The following PTHLH variants were observed in gnomAD, a reference collection of about 807,000 sequenced individuals.
The protein encoded by PTHLH is parathyroid hormone like hormone.
A neutral mutation model predicts 18.6 loss-of-function variants in PTHLH; 5 were observed. The observed-to-expected ratio is 0.27, with a 90% confidence interval of 0.14 to 0.56. PTHLH has a LOEUF of 0.56. PTHLH is among the 20% of genes least tolerant of loss of function. The pLI is 0.92. For synonymous variants in PTHLH, 90 were observed against 94.0 expected (o/e 0.96, Z 0.25); for missense variants, 207 against 223.9 (o/e 0.92, Z 0.48).
At chr12:27,969,585 C>T in intron 3 of PTHLH, 69 bp from the exon 4 acceptor site, 5 of 1,273,944 alleles carry the variant, frequency 3.9e-6, no homozygotes, top group Non-Finnish European at 5.6e-6. Context: ...ACTCCGCTCC[C>T]CCTTTTTAGC....
At chr12:27,962,948 AC>A in intron 5 of PTHLH, 2 of 1,115,974 alleles carry the variant, frequency 1.8e-6, no homozygotes, top group Non-Finnish European at 2.2e-6. Context: ...AAGTGAAAGA[AC>A]GTAAGAAATG....
At chr12:27,971,024 C>G (rs2062867785) in intron 2 of PTHLH, among the ~76,000 whole-genome samples, 1 of 152,106 alleles carries the variant, frequency 6.6e-6, no homozygotes. Context: ...AAAACCCGCG[C>G]ACAGGAGAGA....
At chr12:27,971,819 T>A (rs1307794070) in intron 2 of PTHLH, 108 bp downstream of exon 2, 2 of 151,874 alleles carry the variant, frequency 1.3e-5, no homozygotes, top group African/African-American at 4.8e-5. Context: ...ACACACACTC[T>A]CTCTCTGGGA....
intron 4 of PTHLH, among the ~76,000 whole-genome samples, chr12:27,965,351 G>A (rs1199032631): frequency 6.6e-6 from 1 of 152,220 alleles, no homozygotes; most frequent in African/African-American, 2.4e-5. Context: ...GTATATGCAT[G>A]GGGCATAGAG....
intron 5 of PTHLH, among the ~76,000 whole-genome samples, chr12:27,959,847 A>G (rs929245810): frequency 6.6e-6 from 1 of 152,226 alleles, no homozygotes; most frequent in African/African-American, 2.4e-5. Context: ...GATAGATGAT[A>G]TGAATAAAGC....
intron 5 of PTHLH, among the ~76,000 whole-genome samples, chr12:27,961,121 C>A (rs1047398855): frequency 1.3e-5 from 2 of 151,614 alleles, no homozygotes; most frequent in Non-Finnish European, 2.9e-5. Flanking sequence ...AGGCCACTGT[C>A]TAATTTTCAC....
At chr12:27,963,064 A>G in intron 5 of PTHLH, 1 of 1,307,856 alleles carries the variant, frequency 7.6e-7, no homozygotes. Context: ...TTGAATATGA[A>G]ATTATTTGGT....
At chr12:27,962,375 A>G (rs1033779656) in intron 5 of PTHLH, 8 of 213,782 alleles carry the variant, frequency 3.7e-5, no homozygotes, top group Admixed American at 6.4e-5. Flanking sequence ...TAGTCCACAT[A>G]TAATCTCATT....
chr12:27,969,423 C>T lies in PTHLH; in HGVS notation c.72G>A (p.Gly24=). ...GGCGGCTGAGACCCTCCACCGAGCG[C>T]CCGCAGGAGGGCACCGCGTAGCTCA... ...FLLSYAVPSC[G]RSVEGLSRRL... The change falls in exon 4 of 6, where the codon GGG becomes GGA. Residue 24 remains glycine (G), a synonymous_variant. Transcript: ENST00000545234. The T allele has an allele frequency of 6.3e-7, 1 of 1,591,852 alleles. No homozygotes were observed. The highest frequency in any genetic ancestry group is 1.1e-5 in the South Asian group (1 of 88,056).
chr12:27,961,289 A>ACG (rs1555124073), intron 5 of PTHLH, among the ~76,000 whole-genome samples: 1 of 31,574 alleles, frequency 3.2e-5, no homozygotes, highest in Non-Finnish European at 6.2e-5. Context: ...ATATATACGT[A>ACG]TATATATATA....
intron 3 of PTHLH, 32 bp from the exon 4 acceptor site, chr12:27,969,548 A>G (rs2062849697): frequency 6.7e-7 from 1 of 1,502,346 alleles, no homozygotes; most frequent in South Asian, 1.2e-5. Flanking sequence ...CCCGAGTGTC[A>G]GTCTGGACTC....
At chr12:27,962,519 T>TA (rs753301501) in intron 5 of PTHLH, 158 of 984,030 alleles carry the variant, frequency 1.6e-4, no homozygotes, top group Non-Finnish European at 1.8e-4. Flanking sequence ...GGCCCTAAGT[T>TA]ATTTGATCCC....
At chr12:27,963,033 A>C in intron 5 of PTHLH, 2 of 1,245,244 alleles carry the variant, frequency 1.6e-6, no homozygotes, top group Non-Finnish European at 2.0e-6. Context: ...AATTATGAAG[A>C]TGGTCACTAG....
chr12:27,970,950 T>C (rs1188339458), intron 2 of PTHLH, among the ~76,000 whole-genome samples: 3 of 152,120 alleles, frequency 2.0e-5, no homozygotes, highest in Non-Finnish European at 4.4e-5. Context: ...GTTCCAGATT[T>C]CATATCTAAA....
At chr12:27,971,886 T>C (rs905438751) in intron 2 of PTHLH, 41 bp downstream of exon 2, 2 of 152,088 alleles carry the variant, frequency 1.3e-5, no homozygotes, top group Non-Finnish European at 2.9e-5. Context: ...CTTGTTTGGA[T>C]AGTATGAAAG....
chr12:27,966,199 G>C (rs1264612255), intron 4 of PTHLH, among the ~76,000 whole-genome samples: 1 of 152,134 alleles, frequency 6.6e-6, no homozygotes, highest in Non-Finnish European at 1.5e-5. Flanking sequence ...TAGTTCTCTT[G>C]GGAAATGCAG....
chr12:27,972,654 G>T lies in PTHLH; in HGVS notation c.-490C>A, dbSNP rs970237770. The T allele has an allele frequency of 6.6e-6, 1 of 152,124 alleles. No homozygotes were observed. The highest frequency in any genetic ancestry group is 2.4e-5 in the African/African-American group (1 of 41,404). The allele number at this position is 152,124 out of a possible 1,614,324, so 9.4% of individuals were successfully genotyped here. ...AATTAAATCTTAAAATGAATTAAAA[G>T]CTTCTTGAAAGGAGACTTCTGTTCC... is the stretch of plus-strand genomic sequence containing the variant. On this transcript the variant is annotated 5_prime_UTR_variant, in exon 1 of 6. Transcript: ENST00000545234.
intron 4 of PTHLH, 152 bp from the exon 5 acceptor site, chr12:27,963,922 T>C: frequency 1.3e-6 from 1 of 761,556 alleles, no homozygotes; most frequent in Non-Finnish European, 2.1e-6. Flanking sequence ...CAGGGAAGGG[T>C]AACCAGTGGG....
chr12:27,958,350 T>C lies in PTHLH; in HGVS notation c.*209A>G, dbSNP rs1591844483. 2.4e-6 allele frequency: 1 copy of C among 408,204 alleles called. No individual in the cohort carries two copies. The highest frequency in any genetic ancestry group is 4.4e-5 in the Admixed American group (1 of 22,916). The allele number at this position is 408,204 out of a possible 1,614,324, so 25.3% of individuals were successfully genotyped here. A position where few individuals can be genotyped will look rare whatever the true frequency, so the allele number is the denominator to read the frequency against. ...ATACATCAATGGACAAAATAAATTA[T>C]GGTAAATGTGATAATAATAATTGGA... On this transcript the variant is annotated 3_prime_UTR_variant, in exon 6 of 6. Coordinates refer to ENST00000545234, the MANE Select transcript of PTHLH (RefSeq NM_198965.2).
Sources: allele counts gnomAD v4.1 joint callset (sites outside exome capture counted in the v4.1 genomes callset), GRCh38; gene constraint gnomAD v4.1.1; transcripts MANE v1.5; gene names NCBI Gene and HGNC (gene_info 2026-07-23, HGNC 2026-07-21).